The following BAZ2B variants were observed in gnomAD, a reference collection of about 807,000 sequenced individuals.
The protein encoded by BAZ2B is bromodomain adjacent to zinc finger domain protein 2B.
Under a neutral mutation model 246.0 loss-of-function variants are expected in BAZ2B, and 91 were observed. The ratio of observed to expected loss-of-function variants is 0.37; its 90% CI spans 0.31 to 0.44. BAZ2B has a LOEUF of 0.44. BAZ2B is among the 20% of genes least tolerant of loss of function. The probability of loss-of-function intolerance (pLI) is 1.00; values close to 1 mark genes in which losing one functional copy is unlikely to be tolerated. For synonymous variants in BAZ2B, 855 were observed against 860.0 expected, an observed-to-expected ratio of 0.99 and a Z score of 0.10; for missense variants, 2,332 against 2,533.7, an observed-to-expected ratio of 0.92 and a Z score of 1.71.
At position 159,347,516 on chromosome 2, in the gene BAZ2B, C is replaced by T; in HGVS notation, c.5424G>A (p.Arg1808=). 1 of 1,613,916 alleles carries T rather than the reference C, an allele frequency of 6.2e-7. No homozygotes were observed. The highest frequency in any genetic ancestry group is 1.1e-5 in the South Asian group (1 of 91,072). ...CTTGCAAACTTGCTGATGCAACTCT[C>T]CTTTCTAGATCTTCTACCTGTTGAA... ...SVLQQVEDLE[R]RVASASLQVK... The change falls in exon 31 of 37, where the codon AGG becomes AGA. Residue 1808 remains arginine (R), a synonymous_variant. Coordinates refer to ENST00000392783, the MANE Select transcript of BAZ2B (RefSeq NM_013450.4).
chr2:159,545,312 C>G (rs1255145552), intron 2 of BAZ2B, among the ~76,000 whole-genome samples: 1 of 152,160 alleles, frequency 6.6e-6, no homozygotes, highest in East Asian at 1.9e-4. Context: ...GGTTACATCT[C>G]CTTGCTTAGT....
chr2:159,679,869 A>C, the BAZ2B span, among the ~76,000 whole-genome samples: 1 of 152,234 alleles, frequency 6.6e-6, no homozygotes, highest in African/African-American at 2.4e-5. Flanking sequence ...TTCAAAGTGC[A>C]CTATGCTATA....
chr2:159,572,078 G>A (rs183701010), intron 1 of BAZ2B, among the ~76,000 whole-genome samples: 10 of 152,132 alleles, frequency 6.6e-5, no homozygotes, highest in South Asian at 2.1e-4. Flanking sequence ...CTAAATTACG[G>A]GATTTGTAGA....
chr2:159,527,628 G>T (rs1456650964), intron 2 of BAZ2B, among the ~76,000 whole-genome samples: 1 of 152,088 alleles, frequency 6.6e-6, no homozygotes, highest in Non-Finnish European at 1.5e-5. Flanking sequence ...AGGAGAAGAA[G>T]AACTGAACAA....
intron 20 of BAZ2B, 35 bp downstream of exon 20, chr2:159,395,734 T>TATAAGCATAAAA: frequency 6.5e-7 from 1 of 1,532,856 alleles, no homozygotes. Flanking sequence ...AGCATTACTT[T>TATAAGCATAAAA]ATAAGGTAAT....
intron 2 of BAZ2B, among the ~76,000 whole-genome samples, chr2:159,549,588 A>T (rs2087853258): frequency 6.6e-6 from 1 of 152,148 alleles, no homozygotes; most frequent in Non-Finnish European, 1.5e-5. Context: ...AACACGAACG[A>T]TAGCTGATGA....
chr2:159,586,528 A>C (rs1332117079), intron 1 of BAZ2B, among the ~76,000 whole-genome samples: 1 of 152,112 alleles, frequency 6.6e-6, no homozygotes, highest in Non-Finnish European at 1.5e-5. Context: ...AAGAAAAAAA[A>C]ATTTAAGGAA....
At chr2:159,667,641 T>TAAAA in the BAZ2B span, among the ~76,000 whole-genome samples, 38 of 146,488 alleles carry the variant, frequency 2.6e-4, no homozygotes, top group African/African-American at 9.6e-4. Context: ...AATAAATAAA[T>TAAAA]AAAAGACTCT....
intron 1 of BAZ2B, among the ~76,000 whole-genome samples, chr2:159,565,151 G>A (rs1376678148): frequency 2.0e-5 from 3 of 152,154 alleles, no homozygotes; most frequent in Non-Finnish European, 2.9e-5. Flanking sequence ...GATTACAGGC[G>A]TGAGCCACCA....
chr2:159,686,973 C>T, the BAZ2B span, among the ~76,000 whole-genome samples: 5 of 137,606 alleles, frequency 3.6e-5, no homozygotes, highest in African/African-American at 5.5e-5. Context: ...ACCCGGGTGG[C>T]GGAGCTTGCA....
At chr2:159,504,433 G>T (rs1224194309) in intron 2 of BAZ2B, among the ~76,000 whole-genome samples, 2 of 152,066 alleles carry the variant, frequency 1.3e-5, no homozygotes, top group African/African-American at 4.8e-5. Flanking sequence ...CTAACTCCTG[G>T]CCTCAAGCAA....
At chr2:159,408,578 T>C (rs936198887) in intron 14 of BAZ2B, among the ~76,000 whole-genome samples, 61 of 152,052 alleles carry the variant, frequency 4.0e-4, no homozygotes, top group African/African-American at 1.3e-3. Flanking sequence ...AAAATTTACA[T>C]AGATTAAATT....
chr2:159,529,393 A>G (rs906608390), intron 2 of BAZ2B, among the ~76,000 whole-genome samples: 5 of 151,852 alleles, frequency 3.3e-5, no homozygotes, highest in African/African-American at 1.2e-4. Flanking sequence ...CTCATTGCTC[A>G]CCAACTCTAG....
intron 13 of BAZ2B, among the ~76,000 whole-genome samples, chr2:159,414,582 T>C (rs1259389990): frequency 5.9e-5 from 9 of 152,082 alleles, no homozygotes; most frequent in African/African-American, 2.2e-4. Flanking sequence ...GTTGGGAGGC[T>C]GAGGCGGGTG....
At chr2:159,390,003 A>G (rs1327658016) in intron 20 of BAZ2B, among the ~76,000 whole-genome samples, 1 of 152,186 alleles carries the variant, frequency 6.6e-6, no homozygotes, top group Non-Finnish European at 1.5e-5. Flanking sequence ...TGTTTTGGTA[A>G]TGGCAACAAT....
chr2:159,373,749 T>C (rs1391152961), intron 26 of BAZ2B, among the ~76,000 whole-genome samples: 1 of 152,188 alleles, frequency 6.6e-6, no homozygotes, highest in Non-Finnish European at 1.5e-5. Context: ...GAGGATCGCT[T>C]GAGCCTGGGA....
In BAZ2B at chr2:159,347,386, A is replaced by G. The variant is rs992287528; in HGVS notation, c.5454+100T>C. 6.8e-6 allele frequency: 9 copies of G among 1,319,972 alleles called. No individual in the cohort carries two copies. In the African/African-American group the frequency reaches 1.2e-4, roughly 17 times the overall value. 81.8% of individuals were successfully genotyped at this position (1,319,972 alleles called of 1,614,324 possible). On this transcript the variant is annotated intron_variant, in intron 31 of 36. Transcript: ENST00000392783. ...TTTTCAGAATTAAATGAGACAAAATAAAAACATTTAGCACATTAACTAGCA... is the reference window on the plus strand; with the variant it reads ...TTTTCAGAATTAAATGAGACAAAATGAAAACATTTAGCACATTAACTAGCA...
chr2:159,688,341 T>C, the BAZ2B span, among the ~76,000 whole-genome samples: 12 of 152,314 alleles, frequency 7.9e-5, no homozygotes, highest in African/African-American at 2.6e-4. Context: ...ACATTTATTT[T>C]TTAAAAACTA....
intron 20 of BAZ2B, among the ~76,000 whole-genome samples, chr2:159,390,844 A>G (rs975654621): frequency 4.6e-5 from 7 of 152,178 alleles, no homozygotes; most frequent in Non-Finnish European, 1.0e-4. Context: ...TTACTGATTC[A>G]TGCAGACATT....
Sources: gnomAD v4.1 joint callset for allele counts (sites outside exome capture counted in the v4.1 genomes callset) on GRCh38, gnomAD v4.1.1 for gene constraint, MANE v1.5 for transcripts, NCBI Gene and HGNC (gene_info 2026-07-23, HGNC 2026-07-21) for gene names.